The following CDH4 variants were observed in gnomAD, a reference collection of about 807,000 sequenced individuals.
CDH4 encodes cadherin-4.
Under a neutral mutation model 86.0 loss-of-function variants are expected in CDH4, and 33 were observed. The observed-to-expected ratio is 0.38, with a 90% CI of 0.29 to 0.51. The LOEUF is 0.51. Ranked by LOEUF, CDH4 falls within the 20% of genes least tolerant of loss-of-function variation. CDH4 has a pLI of 0.86. For missense variants in CDH4, 1,114 were observed against 1,307.4 expected, an observed-to-expected ratio of 0.85 and a Z score of 2.28; for synonymous variants, 555 against 549.4, an observed-to-expected ratio of 1.01 and a Z score of -0.14.
chr20:61,658,175 G>T (rs1396172924), intron 2 of CDH4, among the ~76,000 whole-genome samples: 2 of 152,074 alleles, frequency 1.3e-5, no homozygotes, highest in Non-Finnish European at 2.9e-5. Context: ...CTCTATTAGA[G>T]AGGGTTCAAA....
chr20:61,252,685 C>CGGGG lies in CDH4; in HGVS notation c.57+116_57+117insGGGG. 1.9e-6 allele frequency: 1 copy of CGGGG among 520,736 alleles called. No individual in the cohort carries two copies. The allele number at this position is 520,736 out of a possible 1,614,324, so 32.3% of individuals were successfully genotyped here. A position where few individuals can be genotyped will look rare whatever the true frequency, so the allele number is the denominator to read the frequency against. On this transcript the variant is annotated intron_variant, in intron 1 of 15. Transcript: ENST00000614565. This position sits in a 1 kb window ranked among gnomAD's most constrained non-coding sequence, Gnocchi z 4.4. ...GGGGCTCTCCCGGGCTCCCCCGCCGCGCTCCCCGCTGCATCCAGCCCGGCG... is the reference window on the plus strand; with the variant it reads ...GGGGCTCTCCCGGGCTCCCCCGCCGCGGGGGCTCCCCGCTGCATCCAGCCCGGCG...
intron 2 of CDH4, among the ~76,000 whole-genome samples, chr20:61,427,045 T>A (rs1333799840): frequency 6.6e-6 from 1 of 152,200 alleles, no homozygotes; most frequent in East Asian, 1.9e-4. Context: ...CAACAGCAGC[T>A]CCAAGACTAA....
rs1600958620 is a variant in CDH4, at chr20:61,417,787, T to A, written c.169+162850T>A. On this transcript the variant is annotated intron_variant, in intron 2 of 15. Coordinates refer to ENST00000614565, the MANE Select transcript of CDH4 (RefSeq NM_001794.5). This position sits in a 1 kb window ranked among gnomAD's most constrained non-coding sequence, Gnocchi z 4.0. ...ACAAGGTCCTCGAGGCCAGGCGAGGTCTCAGGAAGTCTGAGTTTGGAAGGC... is the reference window on the plus strand; with the variant it reads ...ACAAGGTCCTCGAGGCCAGGCGAGGACTCAGGAAGTCTGAGTTTGGAAGGC... Among the ~76,000 whole-genome samples, 1 of 151,802 alleles carries A rather than the reference T, an allele frequency of 6.6e-6. No individual in the cohort carries two copies. The highest frequency in any genetic ancestry group is 2.1e-4 in the South Asian group (1 of 4,810).
intron 2 of CDH4, chr20:61,740,524 G>A (rs2088320203): frequency 6.6e-6 from 1 of 152,236 alleles, no homozygotes; most frequent in African/African-American, 2.4e-5. Flanking sequence ...CACAGGAGCA[G>A]GTATTGAAGG....
intron 2 of CDH4, among the ~76,000 whole-genome samples, chr20:61,326,271 T>C (rs1390539943): frequency 2.0e-5 from 3 of 152,224 alleles, no homozygotes; most frequent in Non-Finnish European, 2.9e-5. Context: ...GTGAACATAT[T>C]CAACAAATAA....
chr20:61,467,805 C>T (rs1248231003), intron 2 of CDH4, among the ~76,000 whole-genome samples: 2 of 152,190 alleles, frequency 1.3e-5, no homozygotes, highest in Non-Finnish European at 2.9e-5. Context: ...ACACCAATTT[C>T]AAGTTCACAG....
At position 61,385,153 on chromosome 20, in the gene CDH4, C is replaced by T. The variant is rs560327305; in HGVS notation, c.169+130216C>T. 2.1e-3 allele frequency among the ~76,000 whole-genome samples: 295 copies of T among 143,676 alleles called. 1 individual carries two copies. Among genetic ancestry groups the T allele is most frequent in the Non-Finnish European group, 2.9e-3 (191 of 65,530 alleles). 94.3% of individuals were successfully genotyped at this position (143,676 alleles called of 152,430 possible). A position where few individuals can be genotyped will look rare whatever the true frequency, so the allele number is the denominator to read the frequency against. On this transcript the variant is annotated intron_variant, in intron 2 of 15. Transcript: ENST00000614565. ...TGGTGAATGTGGCCTCCATCCTCTCCGAACAGTACTCCTACCCTCTGCTCC... is the reference window on the plus strand; with the variant it reads ...TGGTGAATGTGGCCTCCATCCTCTCTGAACAGTACTCCTACCCTCTGCTCC...
chr20:61,334,509 G>C (rs6028120), intron 2 of CDH4, among the ~76,000 whole-genome samples: 84,096 of 151,754 alleles, frequency 0.55, 23,305 homozygotes, highest in East Asian at 0.68. Context: ...AGGCCGGGGG[G>C]GCTGGGATCA....
intron 2 of CDH4, among the ~76,000 whole-genome samples, chr20:61,728,029 A>G (rs186185957): frequency 2.0e-4 from 30 of 152,346 alleles, no homozygotes; most frequent in Admixed American, 2.0e-3. Flanking sequence ...TCATTATGGA[A>G]GAAAGAGCTC....
chr20:61,775,367 C>T (rs1399547310), intron 4 of CDH4, among the ~76,000 whole-genome samples: 1 of 151,900 alleles, frequency 6.6e-6, no homozygotes, highest in Non-Finnish European at 1.5e-5. Flanking sequence ...TTATTTAATG[C>T]CTTGTGCTTC....
chr20:61,651,329 A>C (rs1429763674), intron 2 of CDH4, among the ~76,000 whole-genome samples: 1 of 152,220 alleles, frequency 6.6e-6, no homozygotes, highest in Non-Finnish European at 1.5e-5. Flanking sequence ...GCCATTTTCC[A>C]AAACTCTAGG....
rs926960750 is a variant in CDH4, at chr20:61,807,758, C to T, written c.576+34576C>T. Reference sequence around the variant, plus strand: ...AAATGCCTGGCGCCAGTAGGAGGCCCAGCTAGCTGGGAGTTCTGAAATATA... The same window carrying T: ...AAATGCCTGGCGCCAGTAGGAGGCCTAGCTAGCTGGGAGTTCTGAAATATA... On this transcript the variant is annotated intron_variant, in intron 4 of 15. Transcript: ENST00000614565. This position sits in a 1 kb window ranked among gnomAD's most constrained non-coding sequence, Gnocchi z 4.5. Among the ~76,000 whole-genome samples the T allele has an allele frequency of 2.0e-5, 3 of 152,216 alleles. No individual in the cohort carries two copies. Among genetic ancestry groups the T allele is most frequent in the Admixed American group, 6.5e-5 (1 of 15,288 alleles).
chr20:61,874,510 C>G (rs1983937541), intron 7 of CDH4, among the ~76,000 whole-genome samples: 1 of 152,196 alleles, frequency 6.6e-6, no homozygotes, highest in Non-Finnish European at 1.5e-5. Flanking sequence ...CAAGTGCCCG[C>G]CCCACTCAGA....
In CDH4 at chr20:61,875,723, C is replaced by T. The variant is rs368889079; in HGVS notation, c.1050+1823C>T. 1.8e-4 allele frequency among the ~76,000 whole-genome samples: 27 copies of T among 152,304 alleles called. 1 individual carries two copies. Among genetic ancestry groups the T allele is most frequent in the African/African-American group, 6.0e-4 (25 of 41,578 alleles). On this transcript the variant is annotated intron_variant, in intron 7 of 15. Coordinates refer to ENST00000614565, the MANE Select transcript of CDH4 (RefSeq NM_001794.5). ...AGTGGCCATGAACCAGCGCCCGCTC[C>T]GCTCAGACAAGGCTTTGCAGATGAG...
intron 2 of CDH4, among the ~76,000 whole-genome samples, chr20:61,332,647 C>T (rs35750489): frequency 0.13 from 19,446 of 152,256 alleles, 1,632 homozygotes; most frequent in East Asian, 0.32. Context: ...GAAGGTTCTG[C>T]GAAGGCCCTT....
At chr20:61,868,780 T>G (rs912714488) in intron 6 of CDH4, among the ~76,000 whole-genome samples, 1 of 152,252 alleles carries the variant, frequency 6.6e-6, no homozygotes, top group Admixed American at 6.5e-5. Flanking sequence ...TGGAGCTGCC[T>G]CTCCTCTTGT....
intron 4 of CDH4, among the ~76,000 whole-genome samples, chr20:61,819,835 G>A (rs1421482457): frequency 6.6e-6 from 1 of 152,194 alleles, no homozygotes; most frequent in African/African-American, 2.4e-5. Context: ...CATTTAGGGG[G>A]CCTGGTGGTT....
In CDH4 at chr20:61,731,610, C is replaced by T. The variant is rs117697228; in HGVS notation, c.170-11953C>T. ...TGAGGCAGCTGCATGTTTGTAGAAT[C>T]GGAAAAGCGCCGTTTCCAGCGGGAC... On this transcript the variant is annotated intron_variant, in intron 2 of 15. Coordinates refer to ENST00000614565, the MANE Select transcript of CDH4 (RefSeq NM_001794.5). Among the ~76,000 whole-genome samples the T allele has an allele frequency of 3.9e-4, 59 of 152,304 alleles. No homozygotes were observed. In the East Asian group the frequency reaches 7.2e-3, roughly 18 times the overall value.
At chr20:61,883,414 G>C (rs2146168995) in intron 7 of CDH4, among the ~76,000 whole-genome samples, 1 of 152,310 alleles carries the variant, frequency 6.6e-6, no homozygotes, top group East Asian at 1.9e-4. Context: ...GGTTGTCACA[G>C]CTCGGTGGGG....
Sources: allele counts gnomAD v4.1 joint callset (sites outside exome capture counted in the v4.1 genomes callset), GRCh38; gene constraint gnomAD v4.1.1; non-coding constraint Gnocchi (gnomAD v3.1); transcripts MANE v1.5; gene names NCBI Gene and HGNC (gene_info 2026-07-23, HGNC 2026-07-21).